Variants in GRM8 observed in about 807,000 individuals in gnomAD.
GRM8 encodes metabotropic glutamate receptor 8.
In GRM8, 47 loss-of-function variants were observed where a neutral mutation model predicts 87.2. That is an observed-to-expected ratio of 0.54 (90% CI 0.43 to 0.69). The LOEUF is 0.69. GRM8 is among the 30% of genes least tolerant of loss of function. The pLI is 0.00. For synonymous variants in GRM8, 396 were observed against 404.5 expected (o/e 0.98, Z 0.25); for missense variants, 1,019 against 1,139.2 (o/e 0.89, Z 1.52).
chr7:127,151,696 C>T (rs1828868954), intron 2 of GRM8, among the ~76,000 whole-genome samples: 1 of 152,024 alleles, frequency 6.6e-6, no homozygotes, highest in Non-Finnish European at 1.5e-5. Context: ...AAAGTTGAAC[C>T]TGTGTATTTA....
At chr7:126,951,088 A>T (rs1285468284) in intron 3 of GRM8, among the ~76,000 whole-genome samples, 1 of 152,114 alleles carries the variant, frequency 6.6e-6, no homozygotes, top group Non-Finnish European at 1.5e-5. Context: ...ATTAATGAAG[A>T]TCTCTTTGAA....
chr7:126,774,512 C>G (rs1007755438), intron 6 of GRM8, among the ~76,000 whole-genome samples: 3 of 152,224 alleles, frequency 2.0e-5, no homozygotes, highest in African/African-American at 7.2e-5. Flanking sequence ...CAACATATAG[C>G]AAAGTGTTTT....
At chr7:126,907,606 T>C (rs536399001) in intron 3 of GRM8, among the ~76,000 whole-genome samples, 2 of 152,132 alleles carry the variant, frequency 1.3e-5, no homozygotes, top group Non-Finnish European at 2.9e-5. Context: ...CAATTGTGTG[T>C]GGCTCTGCAG....
chr7:127,117,708 C>G (rs1342740250), intron 2 of GRM8, among the ~76,000 whole-genome samples: 1 of 152,152 alleles, frequency 6.6e-6, no homozygotes, highest in Non-Finnish European at 1.5e-5. Context: ...ACTCTCCCAC[C>G]CACTCATTCC....
chr7:127,072,157 T>C (rs1319418059), intron 3 of GRM8, among the ~76,000 whole-genome samples: 1 of 152,072 alleles, frequency 6.6e-6, no homozygotes, highest in Non-Finnish European at 1.5e-5. Context: ...TGTGCACACC[T>C]GGTTCACCCA....
rs542788452 is a variant in GRM8, at chr7:127,237,517, C to G, written c.510+5178G>C. 1.9e-3 allele frequency among the ~76,000 whole-genome samples: 293 copies of G among 152,328 alleles called. 2 individuals carry two copies. Among genetic ancestry groups the G allele is most frequent in the African/African-American group, 6.6e-3 (276 of 41,576 alleles). ...AGAAAATATATCTTCATAAACATAG[C>G]AGGGTAGGCGAAGACTGCCAGGGAA... On this transcript the variant is annotated intron_variant, in intron 2 of 10. Coordinates refer to ENST00000339582, the MANE Select transcript of GRM8 (RefSeq NM_000845.3).
intron 7 of GRM8, among the ~76,000 whole-genome samples, chr7:126,686,869 A>T (rs1331585095): frequency 6.6e-6 from 1 of 152,182 alleles, no homozygotes; most frequent in Non-Finnish European, 1.5e-5. Flanking sequence ...CGGATCCTGT[A>T]ACATTACTAT....
chr7:127,017,818 AT>A (rs1189284824), intron 3 of GRM8, among the ~76,000 whole-genome samples: 8 of 152,144 alleles, frequency 5.3e-5, no homozygotes, highest in Admixed American at 3.3e-4. Context: ...AGAAATATAA[AT>A]GAATGGATGA....
chr7:126,945,672 T>C (rs1807458771), intron 3 of GRM8, among the ~76,000 whole-genome samples: 1 of 152,224 alleles, frequency 6.6e-6, no homozygotes, highest in Non-Finnish European at 1.5e-5. Context: ...TATTCTAACA[T>C]TTGAAAGAAA....
chr7:126,926,683 C>T (rs1805163122), intron 3 of GRM8, among the ~76,000 whole-genome samples: 1 of 152,176 alleles, frequency 6.6e-6, no homozygotes, highest in African/African-American at 2.4e-5. Flanking sequence ...TTAGCTCAGA[C>T]TTCAGTCTTA....
chr7:126,902,872 C>T (rs866911475), intron 5 of GRM8, among the ~76,000 whole-genome samples, 193 bp from the exon 6 acceptor site: 1 of 152,062 alleles, frequency 6.6e-6, no homozygotes, highest in South Asian at 2.1e-4. Flanking sequence ...AATGGACAAT[C>T]CCCCCACACC....
intron 9 of GRM8, chr7:126,512,851 T>C (rs1010237750): frequency 3.9e-5 from 6 of 152,088 alleles, no homozygotes; most frequent in African/African-American, 9.7e-5. Context: ...GCCCTGGAAA[T>C]AGGTGCTGTT....
At chr7:126,864,248 C>T (rs531863824) in intron 6 of GRM8, among the ~76,000 whole-genome samples, 1 of 152,026 alleles carries the variant, frequency 6.6e-6, no homozygotes, top group Admixed American at 6.6e-5. Context: ...TCTAAGTGGG[C>T]CTGGTTGTTC....
chr7:126,918,576 T>G (rs1258603256), intron 3 of GRM8, among the ~76,000 whole-genome samples: 1 of 152,224 alleles, frequency 6.6e-6, no homozygotes, highest in Non-Finnish European at 1.5e-5. Context: ...CAATAAAATG[T>G]AATCACAACA....
chr7:127,213,897 C>T (rs913061405), intron 2 of GRM8, among the ~76,000 whole-genome samples: 6 of 152,200 alleles, frequency 3.9e-5, no homozygotes, highest in African/African-American at 1.4e-4. Flanking sequence ...AGCAATTCTA[C>T]TCCTAGGAAT....
chr7:126,734,293 T>G (rs1415166241), intron 7 of GRM8, among the ~76,000 whole-genome samples: 1 of 151,902 alleles, frequency 6.6e-6, no homozygotes, highest in East Asian at 1.9e-4. Context: ...AAAACATGTA[T>G]TTATATGTTC....
chr7:127,159,400 A>C (rs1300009435), intron 2 of GRM8, among the ~76,000 whole-genome samples: 1 of 152,218 alleles, frequency 6.6e-6, no homozygotes, highest in Non-Finnish European at 1.5e-5. Flanking sequence ...GTTACATAGA[A>C]TGTCAGGAGA....
intron 6 of GRM8, among the ~76,000 whole-genome samples, chr7:126,861,279 G>C (rs1484418378): frequency 6.6e-6 from 1 of 151,884 alleles, no homozygotes; most frequent in African/African-American, 2.4e-5. Context: ...GCCAATGTTA[G>C]TACATGAAGA....
chr7:127,212,282 A>G (rs1260910917), intron 2 of GRM8, among the ~76,000 whole-genome samples: 2 of 152,234 alleles, frequency 1.3e-5, no homozygotes, highest in Non-Finnish European at 2.9e-5. Context: ...GACTACAGTC[A>G]CGTATCTAAG....
Sources: gnomAD v4.1 joint callset for allele counts (sites outside exome capture counted in the v4.1 genomes callset) on GRCh38, gnomAD v4.1.1 for gene constraint, MANE v1.5 for transcripts, NCBI Gene and HGNC (gene_info 2026-07-23, HGNC 2026-07-21) for gene names.